MSI2: variants seen among roughly 807,000 people sequenced by gnomAD.
The protein encoded by MSI2 is musashi RNA binding protein 2, also known as RNA-binding protein Musashi homolog 2.
In MSI2, 17 loss-of-function variants were observed where a neutral mutation model predicts 45.6. That is an observed-to-expected ratio of 0.37 (90% CI 0.26 to 0.56). The LOEUF (loss-of-function observed/expected upper bound fraction) is 0.56. Ranked by LOEUF, MSI2 falls within the 20% of genes least tolerant of loss-of-function variation. The pLI, the probability that MSI2 is intolerant of heterozygous loss-of-function variation, is 0.77. For missense variants in MSI2, 293 were observed against 444.2 expected (o/e 0.66, Z 3.06); for synonymous variants, 156 against 158.2 (o/e 0.99, Z 0.11).
intron 6 of MSI2, among the ~76,000 whole-genome samples, chr17:57,506,084 C>A (rs945174776): frequency 2.6e-5 from 4 of 152,180 alleles, no homozygotes; most frequent in African/African-American, 9.7e-5. Flanking sequence ...CAGGCACTTA[C>A]AAAAGGACAG....
Position 57,552,392 on chromosome 17 carries a change from C to T in MSI2, c.454+22668C>T, listed in dbSNP as rs1169804741. ...GACCAGCCAGCACCCCCCAACCCAG[C>T]CCCCCACTCACTGCCCTGCTGCATC... On this transcript the variant is annotated intron_variant, in intron 7 of 13. Transcript: ENST00000284073. The surrounding 1 kb of genome is among the most constrained non-coding windows in gnomAD (Gnocchi z 4.3). 6.6e-6 allele frequency among the ~76,000 whole-genome samples: 1 copy of T among 152,096 alleles called. No homozygotes were observed. Among genetic ancestry groups the T allele is most frequent in the Non-Finnish European group, 1.5e-5 (1 of 68,028 alleles).
intron 6 of MSI2, among the ~76,000 whole-genome samples, chr17:57,512,232 T>C (rs1237843199): frequency 6.6e-6 from 1 of 152,154 alleles, no homozygotes; most frequent in African/African-American, 2.4e-5. Flanking sequence ...ATTTAAAAAG[T>C]CTTTGGGCCT....
At chr17:57,645,274 A>G (rs927955002) in intron 10 of MSI2, among the ~76,000 whole-genome samples, 1 of 152,144 alleles carries the variant, frequency 6.6e-6, no homozygotes, top group African/African-American at 2.4e-5. Flanking sequence ...ATTGGCTCTC[A>G]CAGGGGACAG....
chr17:57,525,343 G>A (rs1417310185), intron 6 of MSI2, among the ~76,000 whole-genome samples: 1 of 152,114 alleles, frequency 6.6e-6, no homozygotes, highest in African/African-American at 2.4e-5. Flanking sequence ...GGAGTGCAGT[G>A]GTGCAGTCAT....
chr17:57,400,446 G>A (rs947558689), intron 5 of MSI2, among the ~76,000 whole-genome samples: 8 of 152,020 alleles, frequency 5.3e-5, no homozygotes, highest in Admixed American at 3.9e-4. Context: ...TTTTTCACAC[G>A]TACATCTACA....
chr17:57,482,272 C>T (rs866427368), intron 6 of MSI2, among the ~76,000 whole-genome samples: 16 of 152,152 alleles, frequency 1.1e-4, no homozygotes, highest in South Asian at 6.2e-4. Flanking sequence ...GCCTGTCTCC[C>T]GAGATTGTTG....
At chr17:57,603,629 C>G (rs1359633508) in intron 8 of MSI2, among the ~76,000 whole-genome samples, 2 of 152,224 alleles carry the variant, frequency 1.3e-5, no homozygotes, top group African/African-American at 2.4e-5. Flanking sequence ...AGCCAGGGGC[C>G]AGCAAATTTT....
At chr17:57,497,207 C>T (rs114705411) in intron 6 of MSI2, among the ~76,000 whole-genome samples, 111 of 152,328 alleles carry the variant, frequency 7.3e-4, no homozygotes, top group African/African-American at 2.5e-3. Context: ...GAACCCCTGA[C>T]GTCTGGTGAT....
At chr17:57,504,787 C>G (rs117008174) in intron 6 of MSI2, among the ~76,000 whole-genome samples, 2,016 of 152,102 alleles carry the variant, frequency 0.013, 33 homozygotes, top group Non-Finnish European at 0.02. Flanking sequence ...GAAAAATTAG[C>G]CGGGCAGGTG....
chr17:57,637,481 G>A (rs753090815), intron 10 of MSI2, among the ~76,000 whole-genome samples: 16 of 152,174 alleles, frequency 1.1e-4, no homozygotes, highest in South Asian at 2.1e-4. Context: ...TTTCACTTCC[G>A]ATCAGCTTTC....
At chr17:57,613,957 TGA>T (rs1234885314) in intron 8 of MSI2, among the ~76,000 whole-genome samples, 1 of 152,224 alleles carries the variant, frequency 6.6e-6, no homozygotes, top group Admixed American at 6.5e-5. Flanking sequence ...CCCCTAACCT[TGA>T]GCACTAAAAT....
At chr17:57,454,583 C>T (rs2143574148) in intron 6 of MSI2, among the ~76,000 whole-genome samples, 1 of 152,046 alleles carries the variant, frequency 6.6e-6, no homozygotes, top group African/African-American at 2.4e-5. Context: ...ATTACAGGCA[C>T]CCGCCACCAC....
chr17:57,661,019 G>A (rs1055806140), intron 11 of MSI2, among the ~76,000 whole-genome samples: 1 of 152,254 alleles, frequency 6.6e-6, no homozygotes, highest in Non-Finnish European at 1.5e-5. Flanking sequence ...ACGCAGGACT[G>A]AGGTGGGAGG....
At chr17:57,658,210 A>T (rs73314779) in intron 11 of MSI2, among the ~76,000 whole-genome samples, 1 of 152,168 alleles carries the variant, frequency 6.6e-6, no homozygotes, top group Non-Finnish European at 1.5e-5. Context: ...GGTCATGGGG[A>T]CACCCTTGTG....
intron 7 of MSI2, among the ~76,000 whole-genome samples, chr17:57,554,071 AACCTCTGCACT>A (rs1567895856): frequency 6.6e-6 from 1 of 152,122 alleles, no homozygotes; most frequent in Non-Finnish European, 1.5e-5. Flanking sequence ...ATGCTCTTTA[AACCTCTGCACT>A]CCTTCCTGCT....
chr17:57,499,101 C>G lies in MSI2; in HGVS notation c.406-30575C>G, dbSNP rs547590371. On this transcript the variant is annotated intron_variant, in intron 6 of 13. Transcript: ENST00000284073. ...TCCTCAAGCTAAGGGCAAGGCCAGA[C>G]GCGGTGGCTCATGCCTGTAATCCCA... Among the ~76,000 whole-genome samples, 158 of 152,058 alleles carry G rather than the reference C, an allele frequency of 1.0e-3. 2 individuals are homozygous for G. The highest frequency in any genetic ancestry group is 3.7e-3 in the African/African-American group (154 of 41,476).
At chr17:57,297,243 T>C (rs1389968725) in intron 5 of MSI2, among the ~76,000 whole-genome samples, 1 of 151,768 alleles carries the variant, frequency 6.6e-6, no homozygotes, top group East Asian at 1.9e-4. Flanking sequence ...GTTGAGATTA[T>C]ACAGGCACAC....
At chr17:57,443,599 C>A (rs193124359) in intron 6 of MSI2, among the ~76,000 whole-genome samples, 80 of 152,260 alleles carry the variant, frequency 5.3e-4, no homozygotes, top group Non-Finnish European at 9.1e-4. Flanking sequence ...AGGGGTCTCT[C>A]AGGTCGAAGA....
intron 9 of MSI2, among the ~76,000 whole-genome samples, chr17:57,618,733 G>A (rs923084703): frequency 7.2e-5 from 11 of 152,026 alleles, no homozygotes; most frequent in East Asian, 1.9e-4. Context: ...TAGTAGAGAC[G>A]GGATTTCACC....
Sources: gnomAD v4.1 joint callset for allele counts (sites outside exome capture counted in the v4.1 genomes callset) on GRCh38, gnomAD v4.1.1 for gene constraint, Gnocchi (gnomAD v3.1) non-coding constraint, MANE v1.5 for transcripts, NCBI Gene and HGNC (gene_info 2026-07-23, HGNC 2026-07-21) for gene names.